CHID1: variants seen among roughly 807,000 people sequenced by gnomAD.
CHID1 encodes the protein chitinase domain containing 1, also known as chitinase domain-containing protein 1.
Under a neutral mutation model 55.4 loss-of-function variants are expected in CHID1, and 44 were observed. The ratio of observed to expected loss-of-function variants is 0.79; its 90% CI spans 0.62 to 1.02. The LOEUF (loss-of-function observed/expected upper bound fraction) is 1.02, where lower values mean the gene tolerates loss of function less well. Ranked by LOEUF, CHID1 falls within the 50% of genes least tolerant of loss-of-function variation. The pLI is 0.00. For missense variants in CHID1, 491 were observed against 515.3 expected (o/e 0.95, Z 0.46); for synonymous variants, 216 against 212.9 (o/e 1.01, Z -0.13).
chr11:910,317 G>A (rs1852567559), intron 1 of CHID1, among the ~76,000 whole-genome samples: 1 of 152,156 alleles, frequency 6.6e-6, no homozygotes, highest in Admixed American at 6.5e-5. Flanking sequence ...GAGCCCTACT[G>A]CCTCTGCTCC....
In CHID1 at chr11:904,700, C is replaced by G. The variant is rs146046517; in HGVS notation, c.111+6G>C. Reference sequence around the variant, plus strand: ...CAGTCACCTCAAGTCCCCAGGCCACCCTTACCTTCTCCAGCAGCGTCTTTG... The same window carrying G: ...CAGTCACCTCAAGTCCCCAGGCCACGCTTACCTTCTCCAGCAGCGTCTTTG... On this transcript the variant is annotated splice_donor_region_variant and intron_variant, in intron 2 of 12. Coordinates refer to ENST00000323578, the MANE Select transcript of CHID1 (RefSeq NM_023947.4). The G allele has an allele frequency of 3.7e-6, 6 of 1,614,076 alleles. No homozygotes were observed. Among genetic ancestry groups the G allele is most frequent in the Non-Finnish European group, 3.4e-6 (4 of 1,180,000 alleles).
chr11:880,567 G>A (rs1000075417), intron 10 of CHID1, among the ~76,000 whole-genome samples: 8 of 152,092 alleles, frequency 5.3e-5, no homozygotes, highest in Non-Finnish European at 7.4e-5. Flanking sequence ...GGCACCCCTG[G>A]AGGCCGGGCA....
rs1565200138 is a variant in CHID1, at chr11:902,404, G to C, written c.262-74C>G. The stretch of plus-strand genomic sequence containing the variant: ...GTCTCACCATGGTGCTGTCATTCTG[G>C]CGCCTCTGGACGTGCCCAGGGCTGG... On this transcript the variant is annotated intron_variant, in intron 3 of 12. Coordinates refer to ENST00000323578, the MANE Select transcript of CHID1 (RefSeq NM_023947.4). 3 of 1,560,796 alleles carry C rather than the reference G, an allele frequency of 1.9e-6. No individual in the cohort carries two copies. In the Admixed American group the frequency reaches 5.1e-5, roughly 27 times the overall value.
intron 1 of CHID1, among the ~76,000 whole-genome samples, chr11:909,134 C>A (rs1470770127): frequency 6.6e-6 from 1 of 152,216 alleles, no homozygotes. Flanking sequence ...GGTGCTCACA[C>A]TGCAACCAGG....
At chr11:894,348 A>G (rs946721680) in intron 7 of CHID1, among the ~76,000 whole-genome samples, 1 of 151,984 alleles carries the variant, frequency 6.6e-6, no homozygotes, top group African/African-American at 2.4e-5. Context: ...AGCATCTCAG[A>G]GCAGGCTGGC....
intron 8 of CHID1, among the ~76,000 whole-genome samples, chr11:884,984 A>C (rs1465232687): frequency 6.6e-6 from 1 of 152,200 alleles, no homozygotes; most frequent in Non-Finnish European, 1.5e-5. Flanking sequence ...CTCCACACCC[A>C]GATCTATAAG....
chr11:881,685 T>G, intron 10 of CHID1, among the ~76,000 whole-genome samples: 1 of 150,904 alleles, frequency 6.6e-6, no homozygotes, highest in African/African-American at 2.4e-5. Context: ...ATGGATGGGA[T>G]TAATGGCAGG....
upstream of CHID1, chr11:914,540 C>G (rs1422512084): frequency 7.8e-7 from 1 of 1,289,318 alleles, no homozygotes; most frequent in Admixed American, 2.3e-5. Flanking sequence ...ATTCCTGGGT[C>G]CCCAGCCTGA....
At chr11:910,816 GA>G, upstream of CHID1, 2 of 1,104,162 alleles carry the variant, frequency 1.8e-6, no homozygotes, top group Non-Finnish European at 2.2e-6. Context: ...CGCACGGCCG[GA>G]AAACGCTCCA....
intron 7 of CHID1, among the ~76,000 whole-genome samples, chr11:898,912 C>T (rs754333682): frequency 5.9e-5 from 9 of 152,208 alleles, no homozygotes; most frequent in Admixed American, 1.3e-4. Context: ...GTCCACACCA[C>T]GGGTCCTGGC....
chr11:894,460 C>CT (rs1196968795), intron 7 of CHID1, among the ~76,000 whole-genome samples: 1 of 152,168 alleles, frequency 6.6e-6, no homozygotes, highest in Non-Finnish European at 1.5e-5. Flanking sequence ...GCCCATGAGT[C>CT]TACCCTGCAG....
At chr11:870,292 G>A in intron 11 of CHID1, 127 bp downstream of exon 11, 1 of 1,402,816 alleles carries the variant, frequency 7.1e-7, no homozygotes, top group African/African-American at 1.4e-5. Flanking sequence ...CTGTGCTCCA[G>A]GGCCGGGAGC....
intron 1 of CHID1, among the ~76,000 whole-genome samples, chr11:910,176 C>T (rs1852553940): frequency 6.6e-6 from 1 of 152,148 alleles, no homozygotes; most frequent in Non-Finnish European, 1.5e-5. Context: ...GGGCGGGTCA[C>T]CCTCCAGTTT....
chr11:911,682 C>T (rs1230693300), upstream of CHID1, among the ~76,000 whole-genome samples: 1 of 152,218 alleles, frequency 6.6e-6, no homozygotes, highest in Admixed American at 6.5e-5. Context: ...ACGTTTCCTT[C>T]TTTCCCTTCC....
At chr11:914,423 C>T (rs984261647), upstream of CHID1, 1 of 841,100 alleles carries the variant, frequency 1.2e-6, no homozygotes, top group South Asian at 1.5e-5. Context: ...ATGGGGGGGA[C>T]AGAGTAGGGC....
chr11:909,616 G>C lies in CHID1; in HGVS notation c.-44+1159C>G, dbSNP rs116614813. ...TGTATGTCATGTGTGCACATGTGTT[G>C]TGCATGTGTGTACATGTGTAGAGCG... On this transcript the variant is annotated intron_variant, in intron 1 of 12. Coordinates refer to ENST00000323578, the MANE Select transcript of CHID1 (RefSeq NM_023947.4). Among the ~76,000 whole-genome samples, 750 of 152,354 alleles carry C rather than the reference G, an allele frequency of 4.9e-3. 8 individuals are homozygous for C. The highest frequency in any genetic ancestry group is 0.017 in the African/African-American group (697 of 41,582).
At position 900,987 on chromosome 11, in the gene CHID1, G is replaced by A. The variant is rs1358581964; in HGVS notation, c.395-7C>T. ...CTGACAGCTCGCATCCACCCTGTGG[G>A]ACATGGAGGGGACAGTCAACACAGG... On this transcript the variant is annotated splice_polypyrimidine_tract_variant and splice_region_variant and intron_variant, in intron 4 of 12. Transcript: ENST00000323578. 6.3e-7 allele frequency: 1 copy of A among 1,598,278 alleles called. No individual in the cohort carries two copies. The highest frequency in any genetic ancestry group is 8.5e-7 in the Non-Finnish European group (1 of 1,173,186).
At chr11:903,634 A>AG (rs1851988651) in intron 2 of CHID1, 1 of 213,182 alleles carries the variant, frequency 4.7e-6, no homozygotes, top group African/African-American at 2.4e-5. Flanking sequence ...TGCAAAAATT[A>AG]GCCAGGCATG....
Position 900,047 on chromosome 11 carries a change from T to C in CHID1, c.503A>G (p.Asp168Gly). ...DDFRNVLDSE[D>G]EIEELSKTVV... ...GGTCTTGCTCAGCTCCTCTATCTCA[T>C]CCTCACTGTCTAAGACGTTCCGGAA... is the stretch of plus-strand genomic sequence containing the variant. The change falls in exon 6 of 13, where the codon GAT becomes GGT. Residue 168 changes from aspartate (D) to glycine (G), a missense_variant. Transcript: ENST00000323578. The C allele has an allele frequency of 6.2e-7, 1 of 1,614,064 alleles. No homozygotes were observed. The highest frequency in any genetic ancestry group is 8.5e-7 in the Non-Finnish European group (1 of 1,179,976).
Sources: gnomAD v4.1 joint callset for allele counts (sites outside exome capture counted in the v4.1 genomes callset) on GRCh38, gnomAD v4.1.1 for gene constraint, MANE v1.5 for transcripts, NCBI Gene and HGNC (gene_info 2026-07-23, HGNC 2026-07-21) for gene names.